Variants in C2orf42 observed in about 807,000 individuals in gnomAD.
C2orf42 encodes the protein chromosome 2 open reading frame 42, also known as uncharacterized protein C2orf42.
Under a neutral mutation model 58.9 loss-of-function variants are expected in C2orf42, and 44 were observed. The observed-to-expected ratio is 0.75, with a 90% confidence interval of 0.59 to 0.96. The LOEUF is 0.96. Among genes scored for constraint, C2orf42 ranks in the 40% least tolerant of loss-of-function variants. The pLI, the probability that C2orf42 is intolerant of heterozygous loss-of-function variation, is 0.00. For synonymous variants in C2orf42, 239 were observed against 265.4 expected (o/e 0.90, Z 0.97); for missense variants, 630 against 699.2 (o/e 0.90, Z 1.12).
At chr2:70,157,419 C>T (rs193008335) in intron 9 of C2orf42, among the ~76,000 whole-genome samples, 1 of 152,142 alleles carries the variant, frequency 6.6e-6, no homozygotes, top group East Asian at 1.9e-4. Flanking sequence ...CGCACCACTG[C>T]ACTCCAGCCT....
Position 70,150,141 on chromosome 2 carries a change from A to G in C2orf42, c.*215T>C. Reference sequence around the variant, plus strand: ...AAAACTCTAGCCAGAAATACTGCCCAATGCATAATGAAGACTGTACACAGC... The same window carrying G: ...AAAACTCTAGCCAGAAATACTGCCCGATGCATAATGAAGACTGTACACAGC... On this transcript the variant is annotated 3_prime_UTR_variant, in exon 10 of 10. Coordinates refer to ENST00000264434, the MANE Select transcript of C2orf42 (RefSeq NM_017880.3). 3.5e-6 allele frequency: 2 copies of G among 579,278 alleles called. No homozygotes were observed. Among genetic ancestry groups the G allele is most frequent in the South Asian group, 4.2e-5 (2 of 47,504 alleles). 35.9% of individuals were successfully genotyped at this position (579,278 alleles called of 1,614,324 possible).
chr2:70,160,569 C>A, intron 9 of C2orf42, 56 bp downstream of exon 9: 1 of 1,242,700 alleles, frequency 8.0e-7, no homozygotes, highest in South Asian at 1.4e-5. Flanking sequence ...GGACAGTGTA[C>A]TGTACTGTTC....
intron 6 of C2orf42, among the ~76,000 whole-genome samples, chr2:70,166,779 G>A (rs1462285783): frequency 6.6e-6 from 1 of 152,088 alleles, no homozygotes; most frequent in African/African-American, 2.4e-5. Flanking sequence ...GACCAACACA[G>A]CACAGACTTT....
chr2:70,182,106 A>ATTTT, intron 2 of C2orf42, 109 bp from the exon 3 acceptor site: 1 of 509,802 alleles, frequency 2.0e-6, no homozygotes, highest in Non-Finnish European at 3.4e-6. Flanking sequence ...GCTATCTACT[A>ATTTT]TTTTTTTTTT....
intron 1 of C2orf42, among the ~76,000 whole-genome samples, chr2:70,189,987 A>T (rs1035773123): frequency 2.0e-5 from 3 of 152,294 alleles, no homozygotes; most frequent in South Asian, 2.1e-4. Flanking sequence ...CTATCTAGAC[A>T]CACACACATA....
In C2orf42 at chr2:70,173,722, T is replaced by A. The variant is rs968756417; in HGVS notation, c.1039+1951A>T. Among the ~76,000 whole-genome samples the A allele has an allele frequency of 5.9e-5, 9 of 152,066 alleles. No homozygotes were observed. The East Asian group carries it at 1.7e-3, about 29-fold the overall frequency. On this transcript the variant is annotated intron_variant, in intron 5 of 9. Coordinates refer to ENST00000264434, the MANE Select transcript of C2orf42 (RefSeq NM_017880.3). ...GCCTCGACATCCCAGGGTCAAGCAA[T>A]CTTCTCACCTCAGCCTCCTAAGTAG...
intron 1 of C2orf42, among the ~76,000 whole-genome samples, chr2:70,184,295 C>T (rs1009082919): frequency 1.3e-5 from 2 of 151,950 alleles, no homozygotes; most frequent in East Asian, 3.9e-4. Context: ...GACGTGATCT[C>T]GATTCACTGC....
At chr2:70,178,534 G>A (rs1454152585) in intron 4 of C2orf42, among the ~76,000 whole-genome samples, 2 of 152,174 alleles carry the variant, frequency 1.3e-5, no homozygotes. Flanking sequence ...TTGAACCTGG[G>A]CAGTGGAGGT....
intron 3 of C2orf42, among the ~76,000 whole-genome samples, chr2:70,180,796 G>A (rs1674506507): frequency 6.6e-6 from 1 of 150,694 alleles, no homozygotes; most frequent in African/African-American, 2.4e-5. Flanking sequence ...CAGCCCAGGA[G>A]TTCAAGACCA....
At position 70,181,496 on chromosome 2, in the gene C2orf42, C is replaced by A. The variant is rs1424986176; in HGVS notation, c.490G>T (p.Glu164Ter). The A allele has an allele frequency of 6.2e-7, 1 of 1,613,460 alleles. No homozygotes were observed. The highest frequency in any genetic ancestry group is 1.7e-5 in the Admixed American group (1 of 59,960). ...SVLNAMQASP[E>*]TKQTIWQLAT... ...AACTGCCAGATGGTCTGTTTGGTTT[C>A]CGGGGAGGCCTGCATTGCATTCAGG... Residue 164 changes from glutamate to a stop codon, truncating the protein, a stop_gained, in exon 3 of 10, where the codon GAA (glutamate) becomes TAA (stop). Transcript: ENST00000264434. LOFTEE classifies it high-confidence loss of function.
At chr2:70,159,888 T>TA in intron 9 of C2orf42, among the ~76,000 whole-genome samples, 1 of 152,172 alleles carries the variant, frequency 6.6e-6, no homozygotes, top group South Asian at 2.1e-4. Flanking sequence ...AATTTAATAT[T>TA]AAGTATATTA....
In C2orf42 at chr2:70,181,855, T is replaced by C; in HGVS notation, c.131A>G (p.Asn44Ser). The C allele has an allele frequency of 6.2e-7, 1 of 1,614,148 alleles. No homozygotes were observed. The highest frequency in any genetic ancestry group is 8.5e-7 in the Non-Finnish European group (1 of 1,180,004). ...YNGTRGLSCK[N>S]KTCGTIFRYG... ...GCGGAATATGGTTCCACATGTCTTG[T>C]TCTTACAGCTCAGTCCCCGGGTTCC... The change falls in exon 3 of 10, where the codon AAC becomes AGC. Residue 44 changes from asparagine (N) to serine (S), a missense_variant. Coordinates refer to ENST00000264434, the MANE Select transcript of C2orf42 (RefSeq NM_017880.3).
intron 1 of C2orf42, among the ~76,000 whole-genome samples, chr2:70,184,378 T>C (rs1023513278): frequency 1.3e-5 from 2 of 151,996 alleles, no homozygotes; most frequent in African/African-American, 2.4e-5. Context: ...GGTTTCACCA[T>C]GTTGGCCAGG....
intron 2 of C2orf42, chr2:70,182,394 GGCT>G (rs1429215311): frequency 6.2e-6 from 1 of 160,466 alleles, no homozygotes; most frequent in Non-Finnish European, 1.4e-5. Flanking sequence ...CACGGCGCCT[GGCT>G]GCTATCCACT....
intron 9 of C2orf42, among the ~76,000 whole-genome samples, chr2:70,151,927 C>T (rs576387372): frequency 1.3e-5 from 2 of 152,116 alleles, no homozygotes; most frequent in African/African-American, 4.8e-5. Context: ...CAGGCACGCA[C>T]CACCATGTCC....
At position 70,160,752 on chromosome 2, in the gene C2orf42, G is replaced by T; in HGVS notation, c.1389C>A (p.Asn463Lys). 1.2e-6 allele frequency: 2 copies of T among 1,609,100 alleles called. No individual in the cohort carries two copies. The highest frequency in any genetic ancestry group is 1.1e-5 in the South Asian group (1 of 90,202). The change falls in exon 9 of 10, where the codon AAC becomes AAA. Residue 463 changes from asparagine to lysine, a missense_variant. Asn to Lys is a moderately conservative substitution (Grantham distance 94). Transcript: ENST00000264434. The stretch of plus-strand genomic sequence containing the variant: ...TAAATAGCTCATAAGTCCCATCTCG[G>T]TTCTGGATAAAGCTACGGGTGATTT... ...PLEITRSFIQ[N>K]RDGTYELFKC...
intron 4 of C2orf42, among the ~76,000 whole-genome samples, chr2:70,179,031 A>G (rs1216349625): frequency 2.0e-5 from 3 of 152,104 alleles, no homozygotes; most frequent in Admixed American, 1.3e-4. Context: ...TAGTGTGGGG[A>G]ATATAACCAT....
chr2:70,169,688 C>T lies in C2orf42; in HGVS notation c.1040-27G>A, dbSNP rs185671142. ...TAGGGAAAAAAAAACCACACATACA[C>T]ACTTCTTTAGTAACTTTTCTTACAA... On this transcript the variant is annotated intron_variant, in intron 5 of 9. Transcript: ENST00000264434. 19 of 1,023,078 alleles carry T rather than the reference C, an allele frequency of 1.9e-5. No homozygotes were observed. In the African/African-American group the frequency reaches 2.8e-4, roughly 15 times the overall value. The allele number at this position is 1,023,078 out of a possible 1,614,324, so 63.4% of individuals were successfully genotyped here. A position where few individuals can be genotyped will look rare whatever the true frequency, so the allele number is the denominator to read the frequency against.
intron 9 of C2orf42, among the ~76,000 whole-genome samples, chr2:70,152,987 C>T (rs571038369): frequency 1.9e-4 from 28 of 150,986 alleles, no homozygotes; most frequent in African/African-American, 6.3e-4. Context: ...GAGCCAAGAT[C>T]GCACCACTGC....
Sources: allele counts gnomAD v4.1 joint callset (sites outside exome capture counted in the v4.1 genomes callset), GRCh38; gene constraint gnomAD v4.1.1; transcripts MANE v1.5; gene names NCBI Gene and HGNC (gene_info 2026-07-23, HGNC 2026-07-21).